The following NFS1 variants were observed in gnomAD, a reference collection of about 807,000 sequenced individuals.
The protein encoded by NFS1 is NFS1 cysteine desulfurase, also known as cysteine desulfurase.
NFS1 carries 26 observed loss-of-function variants against 57.3 expected under a neutral mutation model. That is an observed-to-expected ratio of 0.45 (90% CI 0.33 to 0.63). The LOEUF (loss-of-function observed/expected upper bound fraction) is 0.63. Ranked by LOEUF, NFS1 falls within the 20% of genes least tolerant of loss-of-function variation. NFS1 has a pLI of 0.02. For synonymous variants in NFS1, 209 were observed against 216.3 expected (o/e 0.97, Z 0.30); for missense variants, 505 against 605.8 (o/e 0.83, Z 1.75).
At position 35,699,201 on chromosome 20, in the gene NFS1, G is replaced by A; in HGVS notation, c.88C>T (p.Arg30Cys). The change falls in exon 1 of 13, where the codon CGC becomes TGC. Residue 30 changes from arginine to cysteine, a missense_variant. Physicochemically the swap from Arg to Cys is radical, Grantham distance 180. Transcript: ENST00000374092. The surrounding 1 kb of genome is among the most constrained non-coding windows in gnomAD (Gnocchi z 4.4). ...PKPAAPTRGL[R>C]LRVGDRAPQS... ...CGGGACCCGAGCGTACCGCGCAGGC[G>A]CAGCCCCCGAGTGGGCGCCGCGGGC... 2.1e-6 allele frequency: 3 copies of A among 1,414,218 alleles called. No homozygotes were observed. Among genetic ancestry groups the A allele is most frequent in the South Asian group, 1.5e-5 (1 of 66,042 alleles). The allele number at this position is 1,414,218 out of a possible 1,614,324, so 87.6% of individuals were successfully genotyped here.
chr20:35,686,225 C>G (rs761570862), intron 5 of NFS1, among the ~76,000 whole-genome samples: 51 of 151,448 alleles, frequency 3.4e-4, no homozygotes, highest in Non-Finnish European at 6.6e-4. Flanking sequence ...TCCCAAAGTG[C>G]TGGGATTACA....
intron 12 of NFS1, among the ~76,000 whole-genome samples, chr20:35,669,953 T>G (rs1345309984): frequency 6.6e-6 from 1 of 152,198 alleles, no homozygotes; most frequent in Non-Finnish European, 1.5e-5. Flanking sequence ...CCTGAGCCAA[T>G]GGACACCAAA....
At position 35,693,748 on chromosome 20, in the gene NFS1, G is replaced by A. The variant is rs567810387; in HGVS notation, c.408+2629C>T. Among the ~76,000 whole-genome samples the A allele has an allele frequency of 8.5e-5, 13 of 152,262 alleles. No individual in the cohort carries two copies. The South Asian group carries it at 2.7e-3, about 32-fold the overall frequency. On this transcript the variant is annotated intron_variant, in intron 4 of 12. Coordinates refer to ENST00000374092, the MANE Select transcript of NFS1 (RefSeq NM_021100.5). Reference sequence around the variant, plus strand: ...GTTGGCCAAGGCAGGCGGATCACAAGGTCAGGAGATCGAGACCATCTTGGC... The same window carrying A: ...GTTGGCCAAGGCAGGCGGATCACAAAGTCAGGAGATCGAGACCATCTTGGC...
chr20:35,675,490 C>A, intron 7 of NFS1: 1 of 402,396 alleles, frequency 2.5e-6, no homozygotes, highest in Non-Finnish European at 4.4e-6. Context: ...TTCATAATAG[C>A]AAAAATACTG....
rs2034708971 is a variant in NFS1, at chr20:35,674,582, C to A, written c.984G>T (p.Arg328=). The A allele has an allele frequency of 6.2e-7, 1 of 1,614,172 alleles. No homozygotes were observed. The highest frequency in any genetic ancestry group is 8.5e-7 in the Non-Finnish European group (1 of 1,180,024). The change falls in exon 9 of 13, where the codon CGG becomes CGT. Residue 328 remains arginine, a synonymous_variant. Transcript: ENST00000374092. ...DHKRISKLSE[R]LIQNIMKSLP... The stretch of plus-strand genomic sequence containing the variant: ...GGCTCTTCATTATATTCTGTATCAG[C>A]CGCTCTGACAACTTTGAGATTCGCT...
At chr20:35,694,703 C>A (rs953117586) in intron 4 of NFS1, 1 of 152,020 alleles carries the variant, frequency 6.6e-6, no homozygotes, top group Non-Finnish European at 1.5e-5. Flanking sequence ...TTCTGGCTAA[C>A]ACAGTGAAAC....
intron 7 of NFS1, 37 bp from the exon 8 acceptor site, chr20:35,675,239 A>G: frequency 1.3e-6 from 2 of 1,548,282 alleles, no homozygotes; most frequent in South Asian, 1.2e-5. Flanking sequence ...ACAGAAAGAG[A>G]GAAAAGTAGA....
At position 35,681,991 on chromosome 20, in the gene NFS1, T is replaced by C; in HGVS notation, c.562-10A>G. On this transcript the variant is annotated splice_polypyrimidine_tract_variant and intron_variant, in intron 5 of 12. Coordinates refer to ENST00000374092, the MANE Select transcript of NFS1 (RefSeq NM_021100.5). ...TAGCAGCCTCTAGTTCCTAGGGATA[T>C]GCAGGAGTAAGGTGACTAGATAGTA... is the stretch of plus-strand genomic sequence containing the variant. 2 of 1,545,476 alleles carry C rather than the reference T, an allele frequency of 1.3e-6. No individual in the cohort carries two copies. Among genetic ancestry groups the C allele is most frequent in the Non-Finnish European group, 1.8e-6 (2 of 1,118,048 alleles).
chr20:35,693,417 T>C (rs1161952803), intron 4 of NFS1, among the ~76,000 whole-genome samples: 1 of 152,158 alleles, frequency 6.6e-6, no homozygotes, highest in African/African-American at 2.4e-5. Flanking sequence ...TTTTAAATCT[T>C]TCCATTGGTT....
At position 35,673,612 on chromosome 20, in the gene NFS1, G is replaced by A; in HGVS notation, c.1209C>T (p.His403=). 1 of 1,613,736 alleles carries A rather than the reference G, an allele frequency of 6.2e-7. No individual in the cohort carries two copies. The highest frequency in any genetic ancestry group is 1.1e-5 in the South Asian group (1 of 91,068). Reference sequence around the variant, plus strand: ...CTCAACTCACTGACCTGATAGAAGAGTGCGCTAAATCCTCATCAGTGCCAA... The same window carrying A: ...CTCAACTCACTGACCTGATAGAAGAATGCGCTAAATCCTCATCAGTGCCAA... ...RAIGTDEDLA[H]SSIRFGIGRF... is the part of the protein sequence containing the mutation. Residue 403 remains histidine (H), a synonymous_variant, in exon 11 of 13, where the codon CAC becomes CAT. Transcript: ENST00000374092.
intron 5 of NFS1, among the ~76,000 whole-genome samples, chr20:35,683,034 C>T (rs962469771): frequency 3.3e-5 from 5 of 151,416 alleles, no homozygotes; most frequent in African/African-American, 1.2e-4. Context: ...GCGGAGATCA[C>T]ACCACTGCAC....
intron 6 of NFS1, among the ~76,000 whole-genome samples, chr20:35,681,117 G>C (rs554612182): frequency 2.1e-3 from 318 of 150,764 alleles, no homozygotes; most frequent in African/African-American, 7.2e-3. Context: ...GCACCAGATC[G>C]AAACACTCGT....
At chr20:35,678,268 T>C (rs934814762) in intron 7 of NFS1, among the ~76,000 whole-genome samples, 8 of 151,840 alleles carry the variant, frequency 5.3e-5, no homozygotes, top group Non-Finnish European at 1.2e-4. Context: ...GGCAGGAGAA[T>C]GTCGTGAACC....
chr20:35,677,863 A>G (rs1331850605), intron 7 of NFS1, among the ~76,000 whole-genome samples: 1 of 152,048 alleles, frequency 6.6e-6, no homozygotes, highest in African/African-American at 2.4e-5. Context: ...GAGGTCAGGA[A>G]TTCAAGCCTG....
chr20:35,687,726 A>G (rs531518477), intron 5 of NFS1, among the ~76,000 whole-genome samples: 105 of 152,250 alleles, frequency 6.9e-4, no homozygotes, highest in Non-Finnish European at 1.3e-3. Flanking sequence ...GTGGGGCTGG[A>G]CCCTACAAAA....
At chr20:35,690,610 G>T in intron 4 of NFS1, 45 bp from the exon 5 acceptor site, 2 of 1,595,808 alleles carry the variant, frequency 1.3e-6, no homozygotes, top group African/African-American at 2.7e-5. Context: ...TACTCAGAGA[G>T]ACAGCAATGA....
At chr20:35,669,761 C>A in intron 12 of NFS1, 76 bp from the exon 13 acceptor site, 1 of 1,352,742 alleles carries the variant, frequency 7.4e-7, no homozygotes, top group Non-Finnish European at 1.1e-6. Context: ...AGGCTCTGAG[C>A]AATGGCTTGC....
rs2035200121 is a variant in NFS1 at position 35,699,207 on chromosome 20, C to T, written c.82G>A (p.Gly28Arg). The T allele has an allele frequency of 1.4e-6, 2 of 1,421,232 alleles. No individual in the cohort carries two copies. The highest frequency in any genetic ancestry group is 9.1e-7 in the Non-Finnish European group (1 of 1,098,246). 88.0% of individuals were successfully genotyped at this position (1,421,232 alleles called of 1,614,324 possible). ...PGPKPAAPTR[G>R]LRLRVGDRAP... is the part of the protein sequence containing the mutation. ...CCGAGCGTACCGCGCAGGCGCAGCC[C>T]CCGAGTGGGCGCCGCGGGCTTCGGC... The change falls in exon 1 of 13, where the codon GGG becomes AGG. Residue 28 changes from glycine (G) to arginine (R), a missense_variant. By Grantham distance (125) the Gly-to-Arg change is moderately radical. Transcript: ENST00000374092. This position sits in a 1 kb window ranked among gnomAD's most constrained non-coding sequence, Gnocchi z 4.4.
intron 5 of NFS1, among the ~76,000 whole-genome samples, chr20:35,683,947 C>T (rs2034895062): frequency 6.6e-6 from 1 of 150,532 alleles, no homozygotes; most frequent in Non-Finnish European, 1.5e-5. Context: ...AAGCACTGCT[C>T]TACTAAAAAT....
Sources: gnomAD v4.1 joint callset for allele counts (sites outside exome capture counted in the v4.1 genomes callset) on GRCh38, gnomAD v4.1.1 for gene constraint, Gnocchi (gnomAD v3.1) non-coding constraint, MANE v1.5 for transcripts, NCBI Gene and HGNC (gene_info 2026-07-23, HGNC 2026-07-21) for gene names.